The following DUSP8 variants were observed in gnomAD, a reference collection of about 807,000 sequenced individuals.
DUSP8 encodes dual specificity protein phosphatase 8.
In DUSP8, 15 loss-of-function variants were observed where a neutral mutation model predicts 38.7. The observed-to-expected ratio is 0.39, with a 90% confidence interval of 0.26 to 0.60. DUSP8 has a LOEUF of 0.60. Among genes scored for constraint, DUSP8 ranks in the 20% least tolerant of loss-of-function variants. The probability of loss-of-function intolerance (pLI) is 0.56; values close to 1 mark genes in which losing one functional copy is unlikely to be tolerated. For synonymous variants in DUSP8, 458 were observed against 433.9 expected (o/e 1.06, Z -0.69); for missense variants, 768 against 915.0 (o/e 0.84, Z 2.07).
At position 1,571,954 on chromosome 11, in the gene DUSP8, G is replaced by T. The variant is rs1403262911; in HGVS notation, c.-162C>A. 1 of 145,826 alleles carries T rather than the reference G, an allele frequency of 6.9e-6. No homozygotes were observed. Among genetic ancestry groups the T allele is most frequent in the East Asian group, 2.0e-4 (1 of 5,048 alleles). The allele number at this position is 145,826 out of a possible 1,614,324, so 9.0% of individuals were successfully genotyped here. A position where few individuals can be genotyped will look rare whatever the true frequency, so the allele number is the denominator to read the frequency against. On this transcript the variant is annotated 5_prime_UTR_variant, in exon 1 of 7. Transcript: ENST00000397374. ...CGGGGACCCGCGCCGCGCTCAGGGCGCCCGCTCGGCCGCGCCGTCCATGGG... is the reference window on the plus strand; with the variant it reads ...CGGGGACCCGCGCCGCGCTCAGGGCTCCCGCTCGGCCGCGCCGTCCATGGG...
chr11:1,560,828 G>A (rs2133437072), intron 3 of DUSP8, among the ~76,000 whole-genome samples: 1 of 152,298 alleles, frequency 6.6e-6, no homozygotes, highest in East Asian at 1.9e-4. Context: ...CTCTCCCAGG[G>A]ATTTTGTGCC....
In DUSP8 at chr11:1,557,899, C is replaced by T. The variant is rs1221955553; in HGVS notation, c.716G>A (p.Ser239Asn). 1 of 1,613,966 alleles carries T rather than the reference C, an allele frequency of 6.2e-7. No homozygotes were observed. Among genetic ancestry groups the T allele is most frequent in the East Asian group, 2.2e-5 (1 of 44,870 alleles). ...IEFIDKAKLS[S>N]CQVIVHCLAG... is the part of the protein sequence containing the mutation. ...CAGACAGTGGACGATGACTTGGCAG[C>T]TGGAGAGCTTGGCTTTATCTGGGCA... is the stretch of plus-strand genomic sequence containing the variant. The change falls in exon 6 of 7, where the codon AGC (serine) becomes AAC (asparagine). Residue 239 changes from serine (S) to asparagine (N), a missense_variant. Ser to Asn is a conservative substitution (Grantham distance 46). Around this residue, in one of 3 missense-constraint regions of DUSP8, gnomAD observed 252 missense variants for 410.4 expected, o/e 0.61. Transcript: ENST00000397374. The surrounding 1 kb of genome is among the most constrained non-coding windows in gnomAD (Gnocchi z 9.9).
chr11:1,564,020 C>T (rs755029968), intron 2 of DUSP8, 31 bp from the exon 3 acceptor site: 12 of 1,416,592 alleles, frequency 8.5e-6, no homozygotes, highest in Middle Eastern at 3.7e-4. Flanking sequence ...ATCAGCATGC[C>T]GCCTCCACCT....
chr11:1,567,402 CGGCGGGGGCCA>C (rs1335963165), intron 1 of DUSP8, among the ~76,000 whole-genome samples: 2 of 152,222 alleles, frequency 1.3e-5, no homozygotes, highest in East Asian at 3.9e-4. Flanking sequence ...GCTCCCAGGC[CGGCGGGGGCCA>C]GTGAGAGAGT....
rs893159297 is a variant in DUSP8, at chr11:1,558,575, G to C, written c.538-304C>G. Among the ~76,000 whole-genome samples the C allele has an allele frequency of 6.6e-6, 1 of 152,092 alleles. No individual in the cohort carries two copies. The highest frequency in any genetic ancestry group is 1.5e-5 in the Non-Finnish European group (1 of 68,008). On this transcript the variant is annotated intron_variant, in intron 4 of 6. Coordinates refer to ENST00000397374, the MANE Select transcript of DUSP8 (RefSeq NM_004420.3). This position sits in a 1 kb window ranked among gnomAD's most constrained non-coding sequence, Gnocchi z 6.3. The stretch of plus-strand genomic sequence containing the variant: ...GTGGTGGCTTTTACCCTTTTCCCTC[G>C]TCACCATTTTTAAAACATGGGATTC...
Position 1,565,578 on chromosome 11 carries a change from G to A in DUSP8, c.231+18C>T. On this transcript the variant is annotated intron_variant, in intron 2 of 6. Transcript: ENST00000397374. ...ACCCTGGACGTGATGCATGCCTGGT[G>A]GGCAGTGGGCTGGGTACCTGGCTGC... 1 of 1,582,036 alleles carries A rather than the reference G, an allele frequency of 6.3e-7. No homozygotes were observed. Among genetic ancestry groups the A allele is most frequent in the Non-Finnish European group, 8.6e-7 (1 of 1,158,454 alleles).
At position 1,557,872 on chromosome 11, in the gene DUSP8, G is replaced by C; in HGVS notation, c.743C>G (p.Ala248Gly). Residue 248 changes from alanine to glycine, a missense_variant, in exon 6 of 7, where the codon GCT becomes GGT. Around this residue, in one of 3 missense-constraint regions of DUSP8, gnomAD observed 252 missense variants for 410.4 expected, o/e 0.61. Coordinates refer to ENST00000397374, the MANE Select transcript of DUSP8 (RefSeq NM_004420.3). This position sits in a 1 kb window ranked among gnomAD's most constrained non-coding sequence, Gnocchi z 9.9. ...SSCQVIVHCLAGISRSATIAI... is the reference protein window; with the variant it reads ...SSCQVIVHCLGGISRSATIAI... ...GATGGTGGCAGAGCGGGAGATGCCA[G>C]CCAGACAGTGGACGATGACTTGGCA... 2.5e-6 allele frequency: 4 copies of C among 1,613,992 alleles called. No homozygotes were observed. The highest frequency in any genetic ancestry group is 3.4e-6 in the Non-Finnish European group (4 of 1,180,024).
At chr11:1,560,208 C>T (rs1304386756) in intron 3 of DUSP8, among the ~76,000 whole-genome samples, 1 of 152,148 alleles carries the variant, frequency 6.6e-6, no homozygotes, top group Non-Finnish European at 1.5e-5. Context: ...TGGGCTGAGG[C>T]CTGCCCTATC....
rs1848654251 is a variant in DUSP8, at chr11:1,557,471, C to G, written c.925G>C (p.Asp309His). 3.8e-6 allele frequency: 6 copies of G among 1,564,210 alleles called. No homozygotes were observed. The highest frequency in any genetic ancestry group is 4.3e-6 in the Non-Finnish European group (5 of 1,166,520). The stretch of plus-strand genomic sequence containing the variant: ...GGCGTCCCTGAGGGGGTGCCCGGGT[C>G]GCCCTGCAGGGCGGCCAGCAGCTTC... ...SLKLLAALQG[D>H]PGTPSGTPEP... Residue 309 changes from aspartate to histidine, a missense_variant, in exon 7 of 7, where the codon GAC (aspartate) becomes CAC (histidine). Transcript: ENST00000397374. The surrounding 1 kb of genome is among the most constrained non-coding windows in gnomAD (Gnocchi z 9.9).
At chr11:1,562,540 C>G (rs1472520292) in intron 3 of DUSP8, among the ~76,000 whole-genome samples, 1 of 152,176 alleles carries the variant, frequency 6.6e-6, no homozygotes, top group Non-Finnish European at 1.5e-5. Flanking sequence ...CTCACCCAGA[C>G]AAGCACAGGC....
rs1848611909 is a variant in DUSP8 at position 1,555,766 on chromosome 11, A to C, written c.*752T>G. On this transcript the variant is annotated 3_prime_UTR_variant, in exon 7 of 7. Transcript: ENST00000397374. ...GGCTCTGGCAGGAGTTGGGGGCACT[A>C]ACACCTCTGTCCTCCCCTGGGCTGC... 6.6e-6 allele frequency: 1 copy of C among 152,376 alleles called. No homozygotes were observed. Among genetic ancestry groups the C allele is most frequent in the Non-Finnish European group, 1.5e-5 (1 of 68,292 alleles). 9.4% of individuals were successfully genotyped at this position (152,376 alleles called of 1,614,324 possible).
rs145496997 is a variant in DUSP8 at position 1,559,027 on chromosome 11, G to A, written c.399C>T (p.Phe133=). 40,168 of 1,610,794 alleles carry A rather than the reference G, an allele frequency of 0.025. 646 individuals carry two copies. The highest frequency in any genetic ancestry group is 0.065 in the Middle Eastern group (299 of 4,586). Residue 133 remains phenylalanine (F), a synonymous_variant, in exon 4 of 7, where the codon TTC becomes TTT. Coordinates refer to ENST00000397374, the MANE Select transcript of DUSP8 (RefSeq NM_004420.3). The part of the protein sequence containing the change: ...TGGFATFSSC[F]PGLCEGKPAA... ...CAGGCTTGCCCTCGCAGAGGCCGGG[G>A]AAGCAGGAGGAGAAGGTGGCGAAGC...
chr11:1,556,165 G>T lies in DUSP8; in HGVS notation c.*353C>A. On this transcript the variant is annotated 3_prime_UTR_variant, in exon 7 of 7. Transcript: ENST00000397374. The surrounding 1 kb of genome is among the most constrained non-coding windows in gnomAD (Gnocchi z 5.2). ...TTCCTTTTTTTCACCTTTTTGTTAT[G>T]TAAAAAGTGCACGAAAGCTCGGCAG... The T allele has an allele frequency of 4.9e-6, 1 of 204,046 alleles. No individual in the cohort carries two copies. The highest frequency in any genetic ancestry group is 9.8e-6 in the Non-Finnish European group (1 of 102,394). 12.6% of individuals were successfully genotyped at this position (204,046 alleles called of 1,614,324 possible).
At chr11:1,563,493 G>C (rs575401272) in intron 3 of DUSP8, among the ~76,000 whole-genome samples, 5 of 152,090 alleles carry the variant, frequency 3.3e-5, no homozygotes, top group Non-Finnish European at 5.9e-5. Flanking sequence ...CTGGGCTTTC[G>C]GAGGTGGGGG....
At position 1,558,312 on chromosome 11, in the gene DUSP8, G is replaced by A; in HGVS notation, c.538-41C>T. 8.1e-7 allele frequency: 1 copy of A among 1,229,016 alleles called. No homozygotes were observed. The highest frequency in any genetic ancestry group is 2.8e-4 in the Middle Eastern group (1 of 3,614). 76.1% of individuals were successfully genotyped at this position (1,229,016 alleles called of 1,614,324 possible). A position where few individuals can be genotyped will look rare whatever the true frequency, so the allele number is the denominator to read the frequency against. The stretch of plus-strand genomic sequence containing the variant: ...GGCGGGTTGGAAAGGGGTGGGAGAA[G>A]CTCGGGGCGGGAGTGAAGGTGGAGG... On this transcript the variant is annotated intron_variant, in intron 4 of 6. Coordinates refer to ENST00000397374, the MANE Select transcript of DUSP8 (RefSeq NM_004420.3). This position sits in a 1 kb window ranked among gnomAD's most constrained non-coding sequence, Gnocchi z 6.3.
intron 3 of DUSP8, among the ~76,000 whole-genome samples, chr11:1,561,191 ACC>A (rs1848711562): frequency 6.6e-6 from 1 of 151,294 alleles, no homozygotes; most frequent in African/African-American, 2.4e-5. Context: ...AGGCACCCCT[ACC>A]CCCAGGCATC....
chr11:1,570,732 T>G (rs1275983399), intron 1 of DUSP8, among the ~76,000 whole-genome samples: 4 of 152,114 alleles, frequency 2.6e-5, no homozygotes, highest in Non-Finnish European at 5.9e-5. Flanking sequence ...CCGCATCCAG[T>G]GCTTATTAGC....
At position 1,557,599 on chromosome 11, in the gene DUSP8, A is replaced by C; in HGVS notation, c.822-25T>G. On this transcript the variant is annotated intron_variant, in intron 6 of 6. Transcript: ENST00000397374. The surrounding 1 kb of genome is among the most constrained non-coding windows in gnomAD (Gnocchi z 9.9). ...CCTGCGGGGGAGGAGGCTCAGTCCCAGGCGCCCGCCGGGGCCAGGCTGCCC... is the reference window on the plus strand; with the variant it reads ...CCTGCGGGGGAGGAGGCTCAGTCCCCGGCGCCCGCCGGGGCCAGGCTGCCC... 1 of 1,506,196 alleles carries C rather than the reference A, an allele frequency of 6.6e-7. No homozygotes were observed. Among genetic ancestry groups the C allele is most frequent in the Non-Finnish European group, 8.8e-7 (1 of 1,133,636 alleles). The allele number at this position is 1,506,196 out of a possible 1,614,324, so 93.3% of individuals were successfully genotyped here.
At chr11:1,565,475 G>A (rs879378104) in intron 2 of DUSP8, 121 bp downstream of exon 2, 9 of 780,668 alleles carry the variant, frequency 1.2e-5, no homozygotes, top group Admixed American at 9.4e-5. Flanking sequence ...GCCCCTGGCT[G>A]TGACCCCAAG....
Sources: gnomAD v4.1 joint callset for allele counts (sites outside exome capture counted in the v4.1 genomes callset) on GRCh38, gnomAD v4.1.1 for gene constraint, gnomAD v4.1.1 regional missense constraint, Gnocchi (gnomAD v3.1) non-coding constraint, MANE v1.5 for transcripts, NCBI Gene and HGNC (gene_info 2026-07-23, HGNC 2026-07-21) for gene names.